The following BCAS4 variants were observed in gnomAD, a reference collection of about 807,000 sequenced individuals.
BCAS4 encodes breast carcinoma-amplified sequence 4.
A neutral mutation model predicts 15.7 loss-of-function variants in BCAS4; 9 were observed. The observed-to-expected ratio is 0.57, with a 90% CI of 0.34 to 1.00. BCAS4 has a LOEUF of 1.00. Among genes scored for constraint, BCAS4 ranks in the 50% least tolerant of loss-of-function variants. The probability of loss-of-function intolerance (pLI) is 0.02; values close to 1 mark genes in which losing one functional copy is unlikely to be tolerated. For missense variants in BCAS4, 225 were observed against 239.1 expected (o/e 0.94, Z 0.39); for synonymous variants, 101 against 99.5 (o/e 1.02, Z -0.09).
At chr20:50,880,298 C>T (rs1980094057), downstream of BCAS4, 1 of 152,252 alleles carries the variant, frequency 6.6e-6, no homozygotes, top group Non-Finnish European at 1.5e-5. Context: ...CCTGCCATCA[C>T]CAACCCCTAA....
At chr20:50,830,051 T>G (rs968371122) in intron 2 of BCAS4, among the ~76,000 whole-genome samples, 7 of 152,116 alleles carry the variant, frequency 4.6e-5, no homozygotes, top group African/African-American at 1.4e-4. Flanking sequence ...TGGGAAGTGA[T>G]TAATTTGTGG....
chr20:50,861,430 C>T (rs1041767314), intron 4 of BCAS4, among the ~76,000 whole-genome samples: 5 of 152,230 alleles, frequency 3.3e-5, no homozygotes, highest in Non-Finnish European at 7.3e-5. Context: ...TGGACCAGAG[C>T]TTTGCAGGAG....
chr20:50,869,191 GGTT>G (rs1436760703), intron 4 of BCAS4, among the ~76,000 whole-genome samples: 1 of 152,214 alleles, frequency 6.6e-6, no homozygotes, highest in African/African-American at 2.4e-5. Context: ...TAGTAGGCAT[GGTT>G]GTTTTCACAG....
chr20:50,874,684 A>C (rs116653725), intron 4 of BCAS4, among the ~76,000 whole-genome samples: 4,385 of 151,882 alleles, frequency 0.029, 198 homozygotes, highest in African/African-American at 0.096. Flanking sequence ...GGGCAGGGCA[A>C]CTCCTGAGTC....
intron 4 of BCAS4, among the ~76,000 whole-genome samples, chr20:50,853,982 C>T (rs540607427): frequency 5.4e-4 from 82 of 152,208 alleles, no homozygotes; most frequent in African/African-American, 1.8e-3. Flanking sequence ...CAGCTGTCCC[C>T]GGGGGCAAAA....
chr20:50,800,559 CTT>C (rs562113048), intron 1 of BCAS4, among the ~76,000 whole-genome samples: 13,311 of 111,952 alleles, frequency 0.12, 500 homozygotes, highest in Middle Eastern at 0.13. Flanking sequence ...TTGAACATCC[CTT>C]TTTTTTTTTT....
chr20:50,850,717 G>A (rs1029380618), intron 4 of BCAS4, among the ~76,000 whole-genome samples: 8 of 152,150 alleles, frequency 5.3e-5, no homozygotes, highest in South Asian at 2.1e-4. Context: ...GCCCCTGAGC[G>A]GCGTCCCTGC....
At chr20:50,807,196 A>G (rs930513843) in intron 1 of BCAS4, among the ~76,000 whole-genome samples, 1 of 139,302 alleles carries the variant, frequency 7.2e-6, no homozygotes, top group East Asian at 2.2e-4. Context: ...AAGTTACGTT[A>G]TTTTCTATTT....
chr20:50,829,036 G>A (rs530702341), intron 2 of BCAS4, among the ~76,000 whole-genome samples: 1 of 152,306 alleles, frequency 6.6e-6, no homozygotes, highest in African/African-American at 2.4e-5. Flanking sequence ...AGAGCTCATG[G>A]TGGGTAGAGC....
chr20:50,859,659 C>T (rs1244057902), intron 4 of BCAS4, among the ~76,000 whole-genome samples: 1 of 152,076 alleles, frequency 6.6e-6, no homozygotes, highest in Non-Finnish European at 1.5e-5. Context: ...AGGGAAGATG[C>T]CAGGTGTGCG....
At chr20:50,835,489 C>G (rs1428842910) in intron 3 of BCAS4, among the ~76,000 whole-genome samples, 1 of 152,040 alleles carries the variant, frequency 6.6e-6, no homozygotes, top group Non-Finnish European at 1.5e-5. Context: ...TGTGATCCAC[C>G]CGCCTCGGCC....
chr20:50,862,816 C>T (rs928008813), intron 4 of BCAS4, among the ~76,000 whole-genome samples: 2 of 152,068 alleles, frequency 1.3e-5, no homozygotes, highest in African/African-American at 4.8e-5. Context: ...GGCTGCCTCT[C>T]GTTTTGCACT....
At chr20:50,796,014 G>A (rs1381386128) in intron 1 of BCAS4, among the ~76,000 whole-genome samples, 2 of 151,728 alleles carry the variant, frequency 1.3e-5, no homozygotes, top group African/African-American at 4.8e-5. Context: ...AGGGGACGGG[G>A]AAGAGTGAGG....
At chr20:50,816,395 A>G (rs2088137812) in intron 1 of BCAS4, among the ~76,000 whole-genome samples, 2 of 152,252 alleles carry the variant, frequency 1.3e-5, no homozygotes, top group South Asian at 4.1e-4. Context: ...GGCCCTCTGC[A>G]CGTTCGTTAT....
At chr20:50,806,841 G>A (rs2087995590) in intron 1 of BCAS4, among the ~76,000 whole-genome samples, 1 of 139,868 alleles carries the variant, frequency 7.1e-6, no homozygotes, top group African/African-American at 2.6e-5. Flanking sequence ...TGTCCTTTGA[G>A]TTACAAACAG....
intron 4 of BCAS4, among the ~76,000 whole-genome samples, chr20:50,843,437 A>G (rs781525248): frequency 6.6e-6 from 1 of 152,222 alleles, no homozygotes; most frequent in East Asian, 1.9e-4. Context: ...GCCCATGTCA[A>G]CTCATTCTAT....
intron 1 of BCAS4, among the ~76,000 whole-genome samples, chr20:50,797,829 C>A (rs906818241): frequency 6.6e-6 from 1 of 151,970 alleles, no homozygotes; most frequent in Non-Finnish European, 1.5e-5. Context: ...CCACGCCCAG[C>A]GAATTTTGTA....
downstream of BCAS4, chr20:50,881,849 TG>T (rs1980122184): frequency 6.6e-6 from 1 of 152,108 alleles, no homozygotes; most frequent in Admixed American, 6.6e-5. Context: ...TTAGTAAAGA[TG>T]GGGTTTTGCC....
At chr20:50,879,874 T>C (rs4811098), downstream of BCAS4, 76,596 of 152,560 alleles carry the variant, frequency 0.5, 22,499 homozygotes, top group African/African-American at 0.84. Flanking sequence ...ATGGCTCTGG[T>C]CTGATGGGTT....
Sources: allele counts gnomAD v4.1 joint callset (sites outside exome capture counted in the v4.1 genomes callset), GRCh38; gene constraint gnomAD v4.1.1; transcripts MANE v1.5; gene names NCBI Gene and HGNC (gene_info 2026-07-23, HGNC 2026-07-21).